Variants in ZNF521 observed in about 807,000 individuals in gnomAD.
The protein encoded by ZNF521 is zinc finger protein 521, also known as LYST-interacting protein 3.
A neutral mutation model predicts 105.5 loss-of-function variants in ZNF521; 14 were observed. The observed-to-expected ratio is 0.13, with a 90% CI of 0.09 to 0.21. ZNF521 has a LOEUF of 0.21. ZNF521 is among the 10% of genes least tolerant of loss of function. The pLI is 1.00. For synonymous variants in ZNF521, 635 were observed against 606.0 expected (o/e 1.05, Z -0.70); for missense variants, 1,233 against 1,629.7 (o/e 0.76, Z 4.19).
chr18:25,325,449 G>A (rs1371732718), intron 2 of ZNF521, among the ~76,000 whole-genome samples: 1 of 152,118 alleles, frequency 6.6e-6, no homozygotes, highest in Non-Finnish European at 1.5e-5. Flanking sequence ...ATAAATACAA[G>A]GTCCATGCCT....
chr18:25,291,071 T>C (rs1910989592), intron 3 of ZNF521, among the ~76,000 whole-genome samples: 1 of 152,160 alleles, frequency 6.6e-6, no homozygotes, highest in African/African-American at 2.4e-5. Context: ...CCAAAACTAT[T>C]AATACACTTG....
At chr18:25,302,926 C>G (rs909438416) in intron 3 of ZNF521, 1 of 152,132 alleles carries the variant, frequency 6.6e-6, no homozygotes, top group East Asian at 1.9e-4. Flanking sequence ...AAATGTTACA[C>G]AATAATGTAA....
chr18:25,282,746 C>T (rs973831614), intron 3 of ZNF521, among the ~76,000 whole-genome samples: 1 of 152,004 alleles, frequency 6.6e-6, no homozygotes, highest in African/African-American at 2.4e-5. Flanking sequence ...AGTAAAAAAT[C>T]CTACTGCTTT....
Position 25,225,385 on chromosome 18 carries a change from T to C in ZNF521, c.2533A>G (p.Asn845Asp). The change falls in exon 4 of 8, where the codon AAT (asparagine) becomes GAT (aspartate). Residue 845 changes from asparagine to aspartate, a missense_variant. Around this residue, in one of 6 missense-constraint regions of ZNF521, gnomAD observed 614 missense variants for 751.5 expected, o/e 0.82. Transcript: ENST00000361524. The surrounding 1 kb of genome is among the most constrained non-coding windows in gnomAD (Gnocchi z 5.6). ...FETKTPNCGT[N>D]GASEQVQKEE... Reference sequence around the variant, plus strand: ...TTCTGCACTTGCTCGGAAGCTCCATTTGTTCCACAGTTGGGTGTCTTGGTT... The same window carrying C: ...TTCTGCACTTGCTCGGAAGCTCCATCTGTTCCACAGTTGGGTGTCTTGGTT... 1 of 1,614,194 alleles carries C rather than the reference T, an allele frequency of 6.2e-7. No homozygotes were observed. Among genetic ancestry groups the C allele is most frequent in the Non-Finnish European group, 8.5e-7 (1 of 1,180,032 alleles).
intron 2 of ZNF521, among the ~76,000 whole-genome samples, chr18:25,322,597 T>C (rs1025741001): frequency 6.8e-5 from 10 of 147,682 alleles, no homozygotes; most frequent in African/African-American, 2.5e-4. Context: ...CTGCTAAATA[T>C]ACTCTTTCAC....
intron 5 of ZNF521, among the ~76,000 whole-genome samples, chr18:25,178,556 G>A (rs2035573293): frequency 6.6e-6 from 1 of 152,126 alleles, no homozygotes; most frequent in Non-Finnish European, 1.5e-5. Context: ...TTGTCACTTT[G>A]TTGCCTATTT....
At chr18:25,207,612 A>G (rs1003266949) in intron 4 of ZNF521, among the ~76,000 whole-genome samples, 1 of 152,206 alleles carries the variant, frequency 6.6e-6, no homozygotes, top group East Asian at 1.9e-4. Flanking sequence ...GACAGAGAGC[A>G]TTTGTGAAAG....
chr18:25,338,872 G>C (rs1298401802), intron 2 of ZNF521, among the ~76,000 whole-genome samples: 1 of 152,160 alleles, frequency 6.6e-6, no homozygotes, highest in African/African-American at 2.4e-5. Flanking sequence ...AAATAGCTAA[G>C]ACATAAAATA....
chr18:25,183,052 A>G lies in ZNF521; in HGVS notation c.3658+12108T>C, dbSNP rs147876500. On this transcript the variant is annotated intron_variant, in intron 5 of 7. Coordinates refer to ENST00000361524, the MANE Select transcript of ZNF521 (RefSeq NM_015461.3). ...ATTTGGGTAATAACTATCAAATATT[A>G]TAAGAAAAACTGATAAAGGTGATCC... Among the ~76,000 whole-genome samples, 481 of 152,336 alleles carry G rather than the reference A, an allele frequency of 3.2e-3. 2 individuals carry two copies. Among genetic ancestry groups the G allele is most frequent in the African/African-American group, 0.011 (455 of 41,586 alleles).
rs1386081243 is a variant in ZNF521 at position 25,333,310 on chromosome 18, C to CTA, written c.41-11124_41-11123insTA. On this transcript the variant is annotated intron_variant, in intron 2 of 7. Transcript: ENST00000361524. Reference sequence around the variant, plus strand: ...TTTAATAAGGACACACTCTCTCTCTCTCTCTATATATATATATATATATAC... The same window carrying CTA: ...TTTAATAAGGACACACTCTCTCTCTCTATCTCTATATATATATATATATATAC... 7.1e-5 allele frequency among the ~76,000 whole-genome samples: 10 copies of CTA among 141,680 alleles called. No individual in the cohort carries two copies. In the East Asian group the frequency reaches 1.4e-3, roughly 21 times the overall value. The allele number at this position is 141,680 out of a possible 152,430, so 92.9% of individuals were successfully genotyped here.
intron 7 of ZNF521, among the ~76,000 whole-genome samples, chr18:25,073,104 C>T (rs1599963638): frequency 6.6e-6 from 1 of 152,122 alleles, no homozygotes; most frequent in East Asian, 1.9e-4. Context: ...TCCTCTCCGC[C>T]AGCTCTCGGT....
intron 7 of ZNF521, among the ~76,000 whole-genome samples, chr18:25,063,581 G>A (rs1421515041): frequency 6.6e-6 from 1 of 152,192 alleles, no homozygotes; most frequent in Non-Finnish European, 1.5e-5. Flanking sequence ...GAGGGTGGAC[G>A]CCGGGTGGGA....
chr18:25,204,477 T>C (rs564337652), intron 4 of ZNF521, among the ~76,000 whole-genome samples: 25 of 152,280 alleles, frequency 1.6e-4, no homozygotes, highest in African/African-American at 5.8e-4. Flanking sequence ...GTCATTTCCA[T>C]GGATCATACC....
chr18:25,140,458 T>C lies in ZNF521; in HGVS notation c.3659-48377A>G, dbSNP rs528178210. Reference sequence around the variant, plus strand: ...TGTCAGGGTAAGACATGGCAGAGGTTTCAGCGTTTGTTAAGAGTGTCGTGG... The same window carrying C: ...TGTCAGGGTAAGACATGGCAGAGGTCTCAGCGTTTGTTAAGAGTGTCGTGG... On this transcript the variant is annotated intron_variant, in intron 5 of 7. Coordinates refer to ENST00000361524, the MANE Select transcript of ZNF521 (RefSeq NM_015461.3). Among the ~76,000 whole-genome samples, 71 of 152,322 alleles carry C rather than the reference T, an allele frequency of 4.7e-4. 1 individual carries two copies. The highest frequency in any genetic ancestry group is 1.6e-3 in the African/African-American group (67 of 41,578).
At chr18:25,201,952 G>A (rs2036001001) in intron 4 of ZNF521, 1 of 152,098 alleles carries the variant, frequency 6.6e-6, no homozygotes, top group Non-Finnish European at 1.5e-5. Context: ...TAGCACACCT[G>A]CACTAAACAG....
chr18:25,112,383 C>T (rs1041100689), intron 5 of ZNF521, among the ~76,000 whole-genome samples: 4 of 152,096 alleles, frequency 2.6e-5, no homozygotes, highest in South Asian at 2.1e-4. Flanking sequence ...TCTAGAAAGG[C>T]GTACCCCTGC....
At chr18:25,183,513 A>G (rs986846701) in intron 5 of ZNF521, among the ~76,000 whole-genome samples, 15 of 152,294 alleles carry the variant, frequency 9.8e-5, no homozygotes, top group African/African-American at 3.1e-4. Context: ...CCTACACTTC[A>G]TTTAGAAAAT....
intron 3 of ZNF521, among the ~76,000 whole-genome samples, chr18:25,298,241 T>C (rs887970030): frequency 6.6e-6 from 1 of 152,244 alleles, no homozygotes; most frequent in African/African-American, 2.4e-5. Context: ...AACTATACTT[T>C]CAATTTAATC....
chr18:25,269,130 G>T (rs1393708994), intron 3 of ZNF521, among the ~76,000 whole-genome samples: 1 of 151,228 alleles, frequency 6.6e-6, no homozygotes, highest in Non-Finnish European at 1.5e-5. Flanking sequence ...AAAAGCAGGG[G>T]TTGCAATCCT....
Sources: gnomAD v4.1 joint callset for allele counts (sites outside exome capture counted in the v4.1 genomes callset) on GRCh38, gnomAD v4.1.1 for gene constraint, gnomAD v4.1.1 regional missense constraint, Gnocchi (gnomAD v3.1) non-coding constraint, MANE v1.5 for transcripts, NCBI Gene and HGNC (gene_info 2026-07-23, HGNC 2026-07-21) for gene names.